The following SPTLC1 variants were observed in gnomAD, a reference collection of about 807,000 sequenced individuals.
The protein encoded by SPTLC1 is serine palmitoyltransferase 1.
In SPTLC1, 55 loss-of-function variants were observed where a neutral mutation model predicts 68.9. The ratio of observed to expected loss-of-function variants is 0.80; its 90% CI spans 0.64 to 1.00. The LOEUF (loss-of-function observed/expected upper bound fraction) is 1.00. SPTLC1 is among the 50% of genes least tolerant of loss of function. The probability of loss-of-function intolerance (pLI) is 0.00; values close to 1 mark genes in which losing one functional copy is unlikely to be tolerated. For missense variants in SPTLC1, 449 were observed against 573.1 expected (o/e 0.78, Z 2.21); for synonymous variants, 197 against 201.6 (o/e 0.98, Z 0.19).
chr9:92,049,118 G>C (rs1462100672), intron 9 of SPTLC1, among the ~76,000 whole-genome samples: 2 of 152,128 alleles, frequency 1.3e-5, no homozygotes, highest in Non-Finnish European at 2.9e-5. Context: ...TGCCTTGGAG[G>C]AGGTGCTTCC....
intron 6 of SPTLC1, among the ~76,000 whole-genome samples, chr9:92,060,773 C>T (rs530867613): frequency 1.1e-3 from 165 of 149,446 alleles, no homozygotes; most frequent in Middle Eastern, 3.5e-3. Context: ...ATTAGCTTGG[C>T]GTGGTGGTGG....
chr9:92,103,256 G>A (rs183338107), intron 3 of SPTLC1, among the ~76,000 whole-genome samples: 93 of 152,274 alleles, frequency 6.1e-4, no homozygotes, highest in African/African-American at 2.0e-3. Flanking sequence ...GAGCAATGTG[G>A]GATGGTGCTG....
Position 92,115,406 on chromosome 9 carries a change from C to T in SPTLC1, c.-36G>A, listed in dbSNP as rs1471026457. ...TTCCTTCCGGAAGGCGGGTCACAAG[C>T]GCGTCCCAAAAGTGCGCGTCGCTGC... is the stretch of plus-strand genomic sequence containing the variant. On this transcript the variant is annotated 5_prime_UTR_variant, in exon 1 of 15. Transcript: ENST00000262554. 6 of 1,609,374 alleles carry T rather than the reference C, an allele frequency of 3.7e-6. No homozygotes were observed. The highest frequency in any genetic ancestry group is 3.3e-5 in the South Asian group (3 of 91,010).
chr9:92,065,501 A>T (rs1834246739), intron 6 of SPTLC1, among the ~76,000 whole-genome samples: 1 of 152,220 alleles, frequency 6.6e-6, no homozygotes, highest in African/African-American at 2.4e-5. Context: ...AAGTGAATTT[A>T]GCCTATGTTT....
chr9:92,067,109 C>T (rs1564096797), intron 6 of SPTLC1, among the ~76,000 whole-genome samples: 1 of 152,110 alleles, frequency 6.6e-6, no homozygotes, highest in East Asian at 1.9e-4. Context: ...ACCAGCCTGG[C>T]CAACACGGTA....
intron 8 of SPTLC1, chr9:92,053,802 T>G (rs1412538028): frequency 3.8e-6 from 1 of 261,048 alleles, no homozygotes; most frequent in African/African-American, 2.3e-5. Context: ...GTTTGAGGTC[T>G]TCTTCGTGAG....
At chr9:92,045,204 G>T (rs552456296) in intron 12 of SPTLC1, among the ~76,000 whole-genome samples, 61 of 152,204 alleles carry the variant, frequency 4.0e-4, no homozygotes, top group African/African-American at 1.4e-3. Flanking sequence ...TAAGTCTCCA[G>T]TTTCCATATC....
At chr9:92,053,308 T>A (rs1423557008) in intron 8 of SPTLC1, among the ~76,000 whole-genome samples, 4 of 152,214 alleles carry the variant, frequency 2.6e-5, no homozygotes, top group African/African-American at 9.7e-5. Context: ...GGTATATAGC[T>A]GATAGGAATG....
At chr9:92,033,110 C>T (rs535709757) in intron 14 of SPTLC1, among the ~76,000 whole-genome samples, 1 of 152,026 alleles carries the variant, frequency 6.6e-6, no homozygotes, top group Non-Finnish European at 1.5e-5. Context: ...GAATCTGCAG[C>T]CTGAAGGCCT....
At chr9:92,106,677 G>A (rs1836005292) in intron 3 of SPTLC1, among the ~76,000 whole-genome samples, 1 of 151,882 alleles carries the variant, frequency 6.6e-6, no homozygotes, top group Non-Finnish European at 1.5e-5. Context: ...ACCAAGAATT[G>A]AGTAAAATTT....
At chr9:92,034,679 T>C in intron 14 of SPTLC1, 131 bp downstream of exon 14, 3 of 775,422 alleles carry the variant, frequency 3.9e-6, no homozygotes, top group Non-Finnish European at 6.8e-6. Flanking sequence ...AGACAGGTAA[T>C]GTACTATATT....
chr9:92,087,627 G>C (rs1201136519), intron 3 of SPTLC1, among the ~76,000 whole-genome samples: 1 of 152,202 alleles, frequency 6.6e-6, no homozygotes, highest in Non-Finnish European at 1.5e-5. Flanking sequence ...GGAGTACCCA[G>C]CCGTGTGAGG....
At chr9:92,058,444 C>G (rs1833969787) in intron 7 of SPTLC1, among the ~76,000 whole-genome samples, 1 of 152,198 alleles carries the variant, frequency 6.6e-6, no homozygotes, top group Admixed American at 6.5e-5. Flanking sequence ...ATCATGGTGT[C>G]CTGCTCAGAA....
At chr9:92,099,596 C>T (rs1324180731) in intron 3 of SPTLC1, among the ~76,000 whole-genome samples, 1 of 151,830 alleles carries the variant, frequency 6.6e-6, no homozygotes, top group Non-Finnish European at 1.5e-5. Flanking sequence ...CTTCCCACCT[C>T]ATCCTCCCAA....
At chr9:92,081,017 T>C (rs951932490) in intron 3 of SPTLC1, 54 bp from the exon 4 acceptor site, 142 of 1,340,272 alleles carry the variant, frequency 1.1e-4, no homozygotes, top group Non-Finnish European at 1.4e-4. Context: ...TTACATGCTA[T>C]CATATTACCT....
chr9:92,087,615 G>A (rs920993851), intron 3 of SPTLC1, among the ~76,000 whole-genome samples: 2 of 152,206 alleles, frequency 1.3e-5, no homozygotes, highest in African/African-American at 2.4e-5. Context: ...TTTTGTCTCA[G>A]AGGAGTACCC....
At chr9:92,064,316 CA>C (rs1311442035) in intron 6 of SPTLC1, among the ~76,000 whole-genome samples, 1 of 152,016 alleles carries the variant, frequency 6.6e-6, no homozygotes, top group Non-Finnish European at 1.5e-5. Flanking sequence ...ACAAATCATA[CA>C]ACTAGAAAAT....
chr9:92,064,853 A>C (rs948468491), intron 6 of SPTLC1, among the ~76,000 whole-genome samples: 4 of 152,238 alleles, frequency 2.6e-5, no homozygotes, highest in Non-Finnish European at 5.9e-5. Flanking sequence ...AGCCAACCCC[A>C]AAGTGTTGCC....
At chr9:92,081,616 A>T (rs1048227662) in intron 3 of SPTLC1, among the ~76,000 whole-genome samples, 3 of 152,340 alleles carry the variant, frequency 2.0e-5, no homozygotes, top group Non-Finnish European at 4.4e-5. Flanking sequence ...TATTCGAGCC[A>T]TGAGCCATGT....
Sources: allele counts gnomAD v4.1 joint callset (sites outside exome capture counted in the v4.1 genomes callset), GRCh38; gene constraint gnomAD v4.1.1; transcripts MANE v1.5; gene names NCBI Gene and HGNC (gene_info 2026-07-23, HGNC 2026-07-21).